FBXL13: variants seen among roughly 807,000 people sequenced by gnomAD.
FBXL13 encodes F-box and leucine rich repeat protein 13.
A neutral mutation model predicts 83.6 loss-of-function variants in FBXL13; 67 were observed. The observed-to-expected ratio is 0.80, with a 90% CI of 0.66 to 0.98. The LOEUF is 0.98. FBXL13 is among the 50% of genes least tolerant of loss of function. FBXL13 has a pLI of 0.00. For synonymous variants in FBXL13, 272 were observed against 299.5 expected (o/e 0.91, Z 0.95); for missense variants, 822 against 866.5 (o/e 0.95, Z 0.64).
intron 17 of FBXL13, among the ~76,000 whole-genome samples, chr7:102,847,105 G>T (rs1475000248): frequency 6.6e-6 from 1 of 152,074 alleles, no homozygotes; most frequent in Non-Finnish European, 1.5e-5. Flanking sequence ...TATTGTCTAT[G>T]GCTGTTTCTA....
At chr7:103,001,085 C>T (rs913171319) in intron 6 of FBXL13, among the ~76,000 whole-genome samples, 2 of 152,078 alleles carry the variant, frequency 1.3e-5, no homozygotes, top group African/African-American at 4.8e-5. Flanking sequence ...GCTGGGACTA[C>T]AGGCACATCC....
intron 6 of FBXL13, among the ~76,000 whole-genome samples, chr7:103,011,360 C>T (rs958525795): frequency 7.2e-5 from 11 of 152,028 alleles, no homozygotes; most frequent in Non-Finnish European, 1.5e-4. Flanking sequence ...ACAGGCCAGG[C>T]GTGGTGGCTC....
intron 6 of FBXL13, among the ~76,000 whole-genome samples, chr7:103,016,317 T>TGGGG (rs201076740): frequency 2.2e-5 from 1 of 46,328 alleles, no homozygotes; most frequent in Non-Finnish European, 4.2e-5. Flanking sequence ...AACAGAAATG[T>TGGGG]GGGGGGGGTG....
intron 14 of FBXL13, among the ~76,000 whole-genome samples, chr7:102,880,898 T>C (rs1234728099): frequency 1.3e-5 from 2 of 152,242 alleles, no homozygotes; most frequent in African/African-American, 4.8e-5. Flanking sequence ...TCAAAGGCAA[T>C]TGTTGTCATA....
chr7:102,866,537 C>T (rs1807683672), intron 16 of FBXL13, among the ~76,000 whole-genome samples: 3 of 152,196 alleles, frequency 2.0e-5, no homozygotes, highest in Admixed American at 2.0e-4. Context: ...CTCTGAACTA[C>T]CGTGCTTCCT....
At chr7:102,813,043 A>C (rs368876087), downstream of FBXL13, among the ~76,000 whole-genome samples, 1 of 152,040 alleles carries the variant, frequency 6.6e-6, no homozygotes, top group East Asian at 1.9e-4. Flanking sequence ...GGGTTTCACC[A>C]TGTTGGCCAG....
At chr7:102,829,538 C>T (rs968834062) in intron 18 of FBXL13, among the ~76,000 whole-genome samples, 2 of 152,126 alleles carry the variant, frequency 1.3e-5, no homozygotes, top group African/African-American at 2.4e-5. Flanking sequence ...CACTTCACGT[C>T]GGTCATGAGG....
chr7:103,024,030 T>A (rs1368537837), intron 6 of FBXL13, among the ~76,000 whole-genome samples: 1 of 151,914 alleles, frequency 6.6e-6, no homozygotes, highest in East Asian at 1.9e-4. Context: ...AATGCTAGGC[T>A]TATAACCTGG....
At chr7:102,832,757 G>A in intron 18 of FBXL13, 83 bp downstream of exon 19, 2 of 1,428,060 alleles carry the variant, frequency 1.4e-6, no homozygotes, top group Non-Finnish European at 1.9e-6. Flanking sequence ...AACATATTCT[G>A]AGTCCAGCCC....
intron 7 of FBXL13, 55 bp downstream of exon 8, chr7:102,967,967 T>C: frequency 7.4e-7 from 1 of 1,353,986 alleles, no homozygotes; most frequent in South Asian, 1.2e-5. Flanking sequence ...TTCACAGCAG[T>C]CCATTCTCCT....
At chr7:102,976,224 G>A in intron 6 of FBXL13, 1 of 748,412 alleles carries the variant, frequency 1.3e-6, no homozygotes, top group South Asian at 1.4e-5. Context: ...AACCCTGATG[G>A]TGGCAGGTAG....
chr7:102,843,934 T>TA (rs1250093336), intron 17 of FBXL13, among the ~76,000 whole-genome samples: 2 of 152,204 alleles, frequency 1.3e-5, no homozygotes, highest in African/African-American at 4.8e-5. Flanking sequence ...CGAAGTCAGA[T>TA]ACCTAAGTGA....
intron 6 of FBXL13, among the ~76,000 whole-genome samples, chr7:103,003,415 G>A (rs12111716): frequency 6.7e-6 from 1 of 149,968 alleles, no homozygotes; most frequent in South Asian, 2.1e-4. Context: ...AGCCTCCTGA[G>A]TAGCTGGGAT....
intron 8 of FBXL13, chr7:102,933,115 G>C (rs1819539116): frequency 6.6e-6 from 1 of 152,236 alleles, no homozygotes; most frequent in African/African-American, 2.4e-5. Flanking sequence ...CACCCAACAA[G>C]TGGGAAGAAG....
intron 16 of FBXL13, among the ~76,000 whole-genome samples, chr7:102,871,894 T>A (rs1056517083): frequency 6.6e-5 from 10 of 152,092 alleles, no homozygotes; most frequent in African/African-American, 1.9e-4. Context: ...TTCCTTTAAC[T>A]ACTAAAATAC....
intron 18 of FBXL13, 108 bp downstream of exon 19, chr7:102,832,731 CA>C: frequency 2.3e-6 from 3 of 1,306,404 alleles, no homozygotes; most frequent in Non-Finnish European, 3.0e-6. Context: ...ATGAATACCT[CA>C]ACCATGGCAA....
At chr7:103,065,657 C>T (rs1798322874) in intron 1 of FBXL13, among the ~76,000 whole-genome samples, 1 of 152,212 alleles carries the variant, frequency 6.6e-6, no homozygotes, top group Admixed American at 6.5e-5. Context: ...CACCCTGTGG[C>T]TCAGACAGAG....
In FBXL13 at chr7:102,878,851, G is replaced by C. The variant is rs138403007; in HGVS notation, c.1389-401C>G. Among the ~76,000 whole-genome samples, 477 of 152,252 alleles carry C rather than the reference G, an allele frequency of 3.1e-3. 2 individuals carry two copies. The highest frequency in any genetic ancestry group is 0.011 in the African/African-American group (443 of 41,540). On this transcript the variant is annotated intron_variant, in intron 14 of 19. Transcript: ENST00000313221. Reference sequence around the variant, plus strand: ...GTCAAACTACTGCCATGATTTTGGAGGAATTTTCACTAAATACAAGGTCAA... The same window carrying C: ...GTCAAACTACTGCCATGATTTTGGACGAATTTTCACTAAATACAAGGTCAA...
chr7:103,039,599 G>A (rs899828349), intron 2 of FBXL13, among the ~76,000 whole-genome samples: 1 of 151,990 alleles, frequency 6.6e-6, no homozygotes, highest in African/African-American at 2.4e-5. Context: ...ACCCACAAAG[G>A]GAAGCACATC....
Sources: allele counts gnomAD v4.1 joint callset (sites outside exome capture counted in the v4.1 genomes callset), GRCh38; gene constraint gnomAD v4.1.1; transcripts MANE v1.5; gene names NCBI Gene and HGNC (gene_info 2026-07-23, HGNC 2026-07-21).